ATAD2: variants seen among roughly 807,000 people sequenced by gnomAD.
ATAD2 encodes the protein ATPase family AAA domain containing 2, also known as ATPase family AAA domain-containing protein 2.
In ATAD2, 62 loss-of-function variants were observed where a neutral mutation model predicts 168.9. The ratio of observed to expected loss-of-function variants is 0.37; its 90% CI spans 0.30 to 0.45. The LOEUF (loss-of-function observed/expected upper bound fraction) is 0.45, where lower values mean the gene tolerates loss of function less well. Among genes scored for constraint, ATAD2 ranks in the 20% least tolerant of loss-of-function variants. ATAD2 has a pLI of 1.00. For missense variants in ATAD2, 1,419 were observed against 1,667.8 expected, an observed-to-expected ratio of 0.85 and a Z score of 2.60; for synonymous variants, 613 against 571.6, an observed-to-expected ratio of 1.07 and a Z score of -1.03.
At position 123,382,043 on chromosome 8, in the gene ATAD2, CACAAACAA is replaced by C. The variant is rs555533540; in HGVS notation, c.172-1374_172-1367del. Reference sequence around the variant, plus strand: ...CCTGGGCGACACAGCAAGACTCCATCACAAACAAACAAACAAACAAACCAAAGATAGAA... The same window carrying C: ...CCTGGGCGACACAGCAAGACTCCATCACAAACAAACAAACCAAAGATAGAA... On this transcript the variant is annotated intron_variant, in intron 1 of 27. Transcript: ENST00000287394. Among the ~76,000 whole-genome samples the C allele has an allele frequency of 8.6e-5, 13 of 152,036 alleles. No individual in the cohort carries two copies. In the East Asian group the frequency reaches 1.2e-3, roughly 13 times the overall value.
At chr8:123,325,255 C>T (rs921092897) in intron 26 of ATAD2, among the ~76,000 whole-genome samples, 1 of 150,838 alleles carries the variant, frequency 6.6e-6, no homozygotes, top group Non-Finnish European at 1.5e-5. Flanking sequence ...CACCACCACA[C>T]CTAACTAATT....
chr8:123,345,977 A>AT (rs1828226874), intron 18 of ATAD2, 109 bp downstream of exon 18: 1 of 901,634 alleles, frequency 1.1e-6, no homozygotes, highest in Non-Finnish European at 1.6e-6. Context: ...TTGTAAACCT[A>AT]AAGTTACAAA....
Position 123,372,671 on chromosome 8 carries a change from C to A in ATAD2, c.336G>T (p.Gln112His). ...GCTCTTCTTTTTTTTTATCAGCCTG[C>A]TGTCTGGCCAACTGCCTATATTTTA... Reference protein sequence around the residue: ...GRHFTRQLARQQADKKKEEHR... With the variant: ...GRHFTRQLARHQADKKKEEHR... The change falls in exon 3 of 28, where the codon CAG becomes CAT. Residue 112 changes from glutamine (Q) to histidine (H), a missense_variant. This residue lies in a region of ATAD2 where 419 missense variants were observed against 423.5 expected (regional missense o/e 0.99). Coordinates refer to ENST00000287394, the MANE Select transcript of ATAD2 (RefSeq NM_014109.4). The A allele has an allele frequency of 6.3e-7, 1 of 1,589,430 alleles. No homozygotes were observed. Among genetic ancestry groups the A allele is most frequent in the South Asian group, 1.2e-5 (1 of 86,118 alleles).
chr8:123,337,581 C>T, intron 21 of ATAD2, 44 bp downstream of exon 21: 3 of 1,485,882 alleles, frequency 2.0e-6, no homozygotes, highest in Non-Finnish European at 2.7e-6. Context: ...GATTGTGAAG[C>T]ATTATGGCCT....
chr8:123,402,057 A>G lies in ATAD2; in HGVS notation c.-2281-882T>C, dbSNP rs1305817203. 5 of 1,501,306 alleles carry G rather than the reference A, an allele frequency of 3.3e-6. No homozygotes were observed. In the East Asian group the frequency reaches 6.8e-5, roughly 20 times the overall value. 93.0% of individuals were successfully genotyped at this position (1,501,306 alleles called of 1,614,324 possible). A position where few individuals can be genotyped will look rare whatever the true frequency, so the allele number is the denominator to read the frequency against. On this transcript the variant is annotated intron_variant, in intron 1 of 28. Transcript: ENST00000521903. The surrounding 1 kb of genome is among the most constrained non-coding windows in gnomAD (Gnocchi z 4.8). Reference sequence around the variant, plus strand: ...TTTGAGAAGCGTACCATGTCGGCCCAGATTGAGGGTGGCGTCCATGGCCTG... The same window carrying G: ...TTTGAGAAGCGTACCATGTCGGCCCGGATTGAGGGTGGCGTCCATGGCCTG...
At chr8:123,411,228 C>A (rs375175105) in intron 1 of ATAD2, among the ~76,000 whole-genome samples, 1 of 152,176 alleles carries the variant, frequency 6.6e-6, no homozygotes, top group South Asian at 2.1e-4. Flanking sequence ...TCTTCAAATG[C>A]AGCCCCAGAT....
intron 18 of ATAD2, among the ~76,000 whole-genome samples, chr8:123,345,772 C>A (rs755972480): frequency 6.6e-6 from 1 of 152,174 alleles, no homozygotes; most frequent in Non-Finnish European, 1.5e-5. Flanking sequence ...TACTAAGGAG[C>A]AGTCACCATT....
At chr8:123,370,633 A>T (rs928793308) in intron 6 of ATAD2, among the ~76,000 whole-genome samples, 1 of 152,126 alleles carries the variant, frequency 6.6e-6, no homozygotes, top group Non-Finnish European at 1.5e-5. Context: ...CTTTAAACTA[A>T]AAAAGAGATA....
At chr8:123,379,060 A>G (rs1271612273) in intron 2 of ATAD2, among the ~76,000 whole-genome samples, 2 of 152,068 alleles carry the variant, frequency 1.3e-5, no homozygotes, top group Non-Finnish European at 2.9e-5. Flanking sequence ...GGCCTCCCAA[A>G]GTGGTAGGAT....
intron 22 of ATAD2, among the ~76,000 whole-genome samples, chr8:123,335,310 T>C (rs1485012799): frequency 6.6e-6 from 1 of 152,210 alleles, no homozygotes. Flanking sequence ...TTAGTCTGTT[T>C]CCTACTGCTT....
chr8:123,370,035 G>A lies in ATAD2; in HGVS notation c.728-11C>T. On this transcript the variant is annotated splice_polypyrimidine_tract_variant and intron_variant, in intron 6 of 27. Transcript: ENST00000287394. ...CCTCTTCAGATGACTCTACAATTAA[G>A]AGATCCTTACTTCCAGAAAGATACT... 6.3e-7 allele frequency: 1 copy of A among 1,595,926 alleles called. No individual in the cohort carries two copies. Among genetic ancestry groups the A allele is most frequent in the South Asian group, 1.1e-5 (1 of 90,176 alleles).
intron 20 of ATAD2, 71 bp downstream of exon 20, chr8:123,339,240 T>C (rs1563837960): frequency 7.7e-7 from 1 of 1,294,052 alleles, no homozygotes; most frequent in African/African-American, 1.5e-5. Context: ...CAGATACATG[T>C]CAATGCCATT....
Position 123,356,535 on chromosome 8 carries a change from T to C in ATAD2, c.1558-58A>G. 5.2e-6 allele frequency: 6 copies of C among 1,155,888 alleles called. No individual in the cohort carries two copies. In the Admixed American group the frequency reaches 1.3e-4, roughly 25 times the overall value. The allele number at this position is 1,155,888 out of a possible 1,614,324, so 71.6% of individuals were successfully genotyped here. A position where few individuals can be genotyped will look rare whatever the true frequency, so the allele number is the denominator to read the frequency against. ...ATAAACAGCCTCAAACACGTAGACTTAATATAAACCATTTTAATAAATTCT... is the reference window on the plus strand; with the variant it reads ...ATAAACAGCCTCAAACACGTAGACTCAATATAAACCATTTTAATAAATTCT... On this transcript the variant is annotated intron_variant, in intron 12 of 27. Coordinates refer to ENST00000287394, the MANE Select transcript of ATAD2 (RefSeq NM_014109.4).
At chr8:123,348,812 C>T (rs534267971) in intron 14 of ATAD2, among the ~76,000 whole-genome samples, 2 of 152,222 alleles carry the variant, frequency 1.3e-5, no homozygotes, top group Admixed American at 6.5e-5. Flanking sequence ...AAGTTATATT[C>T]GTCATAAACA....
chr8:123,412,718 C>T (rs1240523538), intron 1 of ATAD2, among the ~76,000 whole-genome samples: 1 of 152,044 alleles, frequency 6.6e-6, no homozygotes, highest in African/African-American at 2.4e-5. Flanking sequence ...AGGGGTGAGC[C>T]ACTACACCTG....
At chr8:123,339,840 A>C (rs1828016483) in intron 19 of ATAD2, among the ~76,000 whole-genome samples, 1 of 152,138 alleles carries the variant, frequency 6.6e-6, no homozygotes. Context: ...GAACTCAAGA[A>C]CCCAAACTAC....
At chr8:123,362,300 TAAAA>T (rs58362261) in intron 8 of ATAD2, among the ~76,000 whole-genome samples, 4 of 133,742 alleles carry the variant, frequency 3.0e-5, no homozygotes, top group African/African-American at 5.4e-5. Flanking sequence ...TGCCTCTATC[TAAAA>T]AAAAAAAAAA....
At chr8:123,371,564 C>T (rs1259775463) in intron 4 of ATAD2, 106 bp downstream of exon 4, 12 of 1,007,958 alleles carry the variant, frequency 1.2e-5, no homozygotes, top group Middle Eastern at 2.4e-4. Flanking sequence ...GTACGCTTTA[C>T]GTAGTAGAAT....
intron 24 of ATAD2, among the ~76,000 whole-genome samples, chr8:123,330,450 C>T (rs1008261673): frequency 3.9e-5 from 6 of 152,036 alleles, no homozygotes; most frequent in Admixed American, 6.6e-5. Flanking sequence ...CTGCAAGCTC[C>T]GCCTCCTGGT....
Sources: allele counts gnomAD v4.1 joint callset (sites outside exome capture counted in the v4.1 genomes callset), GRCh38; gene constraint gnomAD v4.1.1; regional missense constraint gnomAD v4.1.1; non-coding constraint Gnocchi (gnomAD v3.1); transcripts MANE v1.5; gene names NCBI Gene and HGNC (gene_info 2026-07-23, HGNC 2026-07-21).